Variants in GRM7 observed in about 807,000 individuals in gnomAD.
The protein encoded by GRM7 is metabotropic glutamate receptor 7.
Under a neutral mutation model 84.5 loss-of-function variants are expected in GRM7, and 35 were observed. The observed-to-expected ratio is 0.41, with a 90% CI of 0.32 to 0.55. GRM7 has a LOEUF of 0.55. Ranked by LOEUF, GRM7 falls within the 20% of genes least tolerant of loss-of-function variation. The pLI, the probability that GRM7 is intolerant of heterozygous loss-of-function variation, is 0.19. For synonymous variants in GRM7, 487 were observed against 455.1 expected (o/e 1.07, Z -0.89); for missense variants, 1,003 against 1,194.6 (o/e 0.84, Z 2.36).
chr3:6,909,198 G>A (rs1202425748), intron 1 of GRM7, among the ~76,000 whole-genome samples: 1 of 152,134 alleles, frequency 6.6e-6, no homozygotes, highest in Non-Finnish European at 1.5e-5. Flanking sequence ...GAACTGAGAG[G>A]TTAGGGCAAA....
At chr3:7,180,549 G>T (rs6784317) in intron 2 of GRM7, among the ~76,000 whole-genome samples, 51,257 of 151,910 alleles carry the variant, frequency 0.34, 9,378 homozygotes, top group African/African-American at 0.48. Flanking sequence ...ATATCACAGT[G>T]TCTAATTTGA....
chr3:7,287,566 G>A (rs1045002464), intron 2 of GRM7, among the ~76,000 whole-genome samples: 5 of 152,050 alleles, frequency 3.3e-5, no homozygotes, highest in African/African-American at 9.7e-5. Context: ...GCTGATAAAA[G>A]TCTTAAATAT....
In GRM7 at chr3:7,672,084, G is replaced by C. The variant is rs555764875; in HGVS notation, c.2452-7965G>C. 2.0e-5 allele frequency among the ~76,000 whole-genome samples: 3 copies of C among 151,946 alleles called. No individual in the cohort carries two copies. The South Asian group carries it at 6.2e-4, about 32-fold the overall frequency. ...ATGCAAACTCCCTCCCCTGCCCCGG[G>C]GGGAGGGAAACAGTATTTTTTTTTT... On this transcript the variant is annotated intron_variant, in intron 8 of 9. Transcript: ENST00000357716.
intron 8 of GRM7, among the ~76,000 whole-genome samples, chr3:7,635,278 G>GCAA (rs1559453683): frequency 2.0e-5 from 3 of 152,000 alleles, no homozygotes; most frequent in Non-Finnish European, 4.4e-5. Context: ...ATGGGACTTT[G>GCAA]AAAAATCTCA....
intron 5 of GRM7, among the ~76,000 whole-genome samples, chr3:7,448,004 G>T (rs1697596841): frequency 6.8e-6 from 1 of 148,060 alleles, no homozygotes; most frequent in Non-Finnish European, 1.5e-5. Flanking sequence ...GCGGTGTTTG[G>T]TTTTTTGTCC....
At chr3:7,277,603 A>C (rs182006472) in intron 2 of GRM7, among the ~76,000 whole-genome samples, 1 of 152,280 alleles carries the variant, frequency 6.6e-6, no homozygotes, top group Admixed American at 6.5e-5. Flanking sequence ...CTTAAGAGCA[A>C]AGACCATCCT....
At chr3:7,268,724 C>T (rs1247878601) in intron 2 of GRM7, among the ~76,000 whole-genome samples, 1 of 152,146 alleles carries the variant, frequency 6.6e-6, no homozygotes, top group South Asian at 2.1e-4. Flanking sequence ...AGGGTTAAAA[C>T]AGAAGGGACT....
At chr3:7,665,162 A>G (rs1359724755) in intron 8 of GRM7, among the ~76,000 whole-genome samples, 3 of 142,424 alleles carry the variant, frequency 2.1e-5, no homozygotes, top group African/African-American at 8.0e-5. Context: ...ATGTTTGCCC[A>G]TGATTCTTTT....
At chr3:7,320,545 G>T (rs748418014) in intron 4 of GRM7, among the ~76,000 whole-genome samples, 1 of 151,964 alleles carries the variant, frequency 6.6e-6, no homozygotes, top group Non-Finnish European at 1.5e-5. Flanking sequence ...CTTCTTGAGT[G>T]AGAGTTGTAT....
chr3:7,479,864 A>C (rs758093515), intron 7 of GRM7, among the ~76,000 whole-genome samples: 2 of 152,104 alleles, frequency 1.3e-5, no homozygotes, highest in Non-Finnish European at 2.9e-5. Context: ...ACAGAAAAAA[A>C]AGGCTGGAAA....
At chr3:7,111,193 A>G (rs1036021839) in intron 1 of GRM7, among the ~76,000 whole-genome samples, 2 of 147,334 alleles carry the variant, frequency 1.4e-5, no homozygotes, top group African/African-American at 5.4e-5. Context: ...GTCCATACTC[A>G]GGTGCAGAGC....
chr3:7,593,603 A>T (rs930251076), intron 8 of GRM7, among the ~76,000 whole-genome samples: 1 of 152,222 alleles, frequency 6.6e-6, no homozygotes, highest in Non-Finnish European at 1.5e-5. Context: ...AACCTGCATG[A>T]AATGAAATAG....
intron 1 of GRM7, among the ~76,000 whole-genome samples, chr3:6,939,906 T>C (rs1306432352): frequency 6.6e-6 from 1 of 152,114 alleles, no homozygotes; most frequent in African/African-American, 2.4e-5. Flanking sequence ...TTTCATGATT[T>C]ACAAAATGAT....
At chr3:7,157,422 A>G (rs1383364456) in intron 2 of GRM7, among the ~76,000 whole-genome samples, 2 of 152,152 alleles carry the variant, frequency 1.3e-5, no homozygotes, top group African/African-American at 4.8e-5. Context: ...AAAAAAATTA[A>G]TAGTGATATA....
Position 6,958,197 on chromosome 3 carries a change from A to G in GRM7, c.519+96290A>G, listed in dbSNP as rs1359827758. Among the ~76,000 whole-genome samples, 11 of 150,156 alleles carry G rather than the reference A, an allele frequency of 7.3e-5. No individual in the cohort carries two copies. In the East Asian group the frequency reaches 1.2e-3, roughly 16 times the overall value. Reference sequence around the variant, plus strand: ...ATGCAATCTTTGTTACTCTCTATATATTAGTTTACATTTCCTAGAATTTTA... The same window carrying G: ...ATGCAATCTTTGTTACTCTCTATATGTTAGTTTACATTTCCTAGAATTTTA... On this transcript the variant is annotated intron_variant, in intron 1 of 9. Transcript: ENST00000357716.
chr3:7,731,366 T>A (rs963717966), intron 9 of GRM7, among the ~76,000 whole-genome samples: 1 of 152,204 alleles, frequency 6.6e-6, no homozygotes, highest in Non-Finnish European at 1.5e-5. Context: ...GTTCTATTCA[T>A]CTCTAAGACC....
At chr3:6,949,825 C>A (rs908971293) in intron 1 of GRM7, among the ~76,000 whole-genome samples, 2 of 152,180 alleles carry the variant, frequency 1.3e-5, no homozygotes, top group African/African-American at 4.8e-5. Context: ...ATCTCTGATA[C>A]CCTTTCTTCC....
chr3:7,609,138 C>A (rs767849822), intron 8 of GRM7, among the ~76,000 whole-genome samples: 1 of 152,082 alleles, frequency 6.6e-6, no homozygotes, highest in Non-Finnish European at 1.5e-5. Flanking sequence ...ACTTAACTTT[C>A]TACTGCTGCA....
chr3:7,332,863 ATG>A (rs1701262573), intron 4 of GRM7, among the ~76,000 whole-genome samples: 1 of 151,484 alleles, frequency 6.6e-6, no homozygotes, highest in African/African-American at 2.4e-5. Context: ...TACTGGATGG[ATG>A]GTTTTTTCTA....
Sources: gnomAD v4.1 joint callset for allele counts (sites outside exome capture counted in the v4.1 genomes callset) on GRCh38, gnomAD v4.1.1 for gene constraint, MANE v1.5 for transcripts, NCBI Gene and HGNC (gene_info 2026-07-23, HGNC 2026-07-21) for gene names.